Variants in CNTNAP2 observed in about 807,000 individuals in gnomAD.
CNTNAP2 encodes the protein contactin associated protein 2.
A neutral mutation model predicts 155.2 loss-of-function variants in CNTNAP2; 98 were observed. The ratio of observed to expected loss-of-function variants is 0.63; its 90% CI spans 0.54 to 0.75. The LOEUF is 0.75. CNTNAP2 is among the 30% of genes least tolerant of loss of function. The probability of loss-of-function intolerance (pLI) is 0.00; values close to 1 mark genes in which losing one functional copy is unlikely to be tolerated. For synonymous variants in CNTNAP2, 651 were observed against 631.2 expected, an observed-to-expected ratio of 1.03 and a Z score of -0.47; for missense variants, 1,727 against 1,688.1, an observed-to-expected ratio of 1.02 and a Z score of -0.40.
At chr7:146,677,778 G>T (rs929583876) in intron 1 of CNTNAP2, among the ~76,000 whole-genome samples, 1 of 151,760 alleles carries the variant, frequency 6.6e-6, no homozygotes, top group Non-Finnish European at 1.5e-5. Flanking sequence ...TTAGCTATAC[G>T]TTGTTCTCTA....
chr7:148,101,425 A>C (rs1054413624), intron 15 of CNTNAP2, among the ~76,000 whole-genome samples: 3 of 151,636 alleles, frequency 2.0e-5, no homozygotes, highest in African/African-American at 7.3e-5. Context: ...GTAAAAGATT[A>C]AGGAGAAAAC....
chr7:146,146,174 G>A (rs558519228), intron 1 of CNTNAP2, among the ~76,000 whole-genome samples: 17 of 152,166 alleles, frequency 1.1e-4, no homozygotes, highest in South Asian at 2.1e-4. Flanking sequence ...ACTTAATATC[G>A]TGGATTTTAA....
rs1025631468 is a variant in CNTNAP2 at position 147,118,373 on chromosome 7, A to G, written c.755-2606A>G. On this transcript the variant is annotated intron_variant, in intron 5 of 23. Coordinates refer to ENST00000361727, the MANE Select transcript of CNTNAP2 (RefSeq NM_014141.6). Reference sequence around the variant, plus strand: ...AATTTGCAACATTAATTACAATGTCAAAAATTGGGAAAAAATTAAACACAT... The same window carrying G: ...AATTTGCAACATTAATTACAATGTCGAAAATTGGGAAAAAATTAAACACAT... 4.0e-5 allele frequency among the ~76,000 whole-genome samples: 6 copies of G among 151,470 alleles called. No individual in the cohort carries two copies. In the East Asian group the frequency reaches 1.2e-3, roughly 29 times the overall value.
At chr7:146,816,479 G>T (rs1338935527) in intron 2 of CNTNAP2, among the ~76,000 whole-genome samples, 2 of 152,198 alleles carry the variant, frequency 1.3e-5, no homozygotes, top group Admixed American at 6.5e-5. Context: ...GCCGGGAACA[G>T]TTGGCCATCC....
intron 1 of CNTNAP2, among the ~76,000 whole-genome samples, chr7:146,296,040 C>A (rs1291434954): frequency 6.6e-6 from 1 of 152,032 alleles, no homozygotes; most frequent in Non-Finnish European, 1.5e-5. Flanking sequence ...TCCTTACAAC[C>A]AAAGTCACAT....
chr7:147,619,030 A>G (rs562385655), intron 12 of CNTNAP2, among the ~76,000 whole-genome samples: 2 of 152,318 alleles, frequency 1.3e-5, no homozygotes, highest in South Asian at 4.1e-4. Flanking sequence ...ATACATGCCC[A>G]GTGTTTCAAA....
chr7:147,274,876 T>C (rs899030384), intron 8 of CNTNAP2, among the ~76,000 whole-genome samples: 1 of 152,048 alleles, frequency 6.6e-6, no homozygotes, highest in Non-Finnish European at 1.5e-5. Context: ...AGTCCAGTTT[T>C]TTTAGGCATA....
At chr7:147,718,642 G>A (rs1466202406) in intron 13 of CNTNAP2, among the ~76,000 whole-genome samples, 1 of 151,986 alleles carries the variant, frequency 6.6e-6, no homozygotes, top group Non-Finnish European at 1.5e-5. Context: ...TATGCAAATG[G>A]CATTTTCTCA....
intron 1 of CNTNAP2, among the ~76,000 whole-genome samples, chr7:146,490,375 C>T (rs1011617807): frequency 6.6e-6 from 1 of 151,940 alleles, no homozygotes; most frequent in Non-Finnish European, 1.5e-5. Context: ...AAAATGTATA[C>T]TATGCTAAGT....
chr7:147,338,523 G>A (rs1034042282), intron 9 of CNTNAP2, among the ~76,000 whole-genome samples: 2 of 152,074 alleles, frequency 1.3e-5, no homozygotes, highest in African/African-American at 2.4e-5. Flanking sequence ...AAGTCAAAGA[G>A]AAGTGGTTTT....
At chr7:147,137,143 AT>A (rs1408768275) in intron 8 of CNTNAP2, among the ~76,000 whole-genome samples, 1 of 151,574 alleles carries the variant, frequency 6.6e-6, no homozygotes, top group Non-Finnish European at 1.5e-5. Flanking sequence ...AACCAAAGTA[AT>A]TGAAAACAAA....
chr7:146,579,441 G>T (rs1301418454), intron 1 of CNTNAP2, among the ~76,000 whole-genome samples: 1 of 152,090 alleles, frequency 6.6e-6, no homozygotes, highest in Non-Finnish European at 1.5e-5. Context: ...AATAGGAAGT[G>T]CCTCAGACCT....
chr7:147,907,573 G>A (rs1799985192), intron 14 of CNTNAP2, among the ~76,000 whole-genome samples: 1 of 152,096 alleles, frequency 6.6e-6, no homozygotes, highest in African/African-American at 2.4e-5. Flanking sequence ...AGTTGAGCTT[G>A]ATGCGGGTAG....
intron 3 of CNTNAP2, among the ~76,000 whole-genome samples, chr7:146,940,363 A>AT (rs1363894108): frequency 6.6e-6 from 1 of 151,668 alleles, no homozygotes; most frequent in Non-Finnish European, 1.5e-5. Flanking sequence ...CGTCCAGCTA[A>AT]TTTTTTGTAT....
intron 1 of CNTNAP2, among the ~76,000 whole-genome samples, chr7:146,141,508 C>T (rs1217071564): frequency 6.6e-6 from 1 of 152,000 alleles, no homozygotes; most frequent in African/African-American, 2.4e-5. Context: ...ATATAGTTTT[C>T]ATTTTCTTTA....
intron 1 of CNTNAP2, among the ~76,000 whole-genome samples, chr7:146,567,890 T>C (rs1411343817): frequency 6.6e-6 from 1 of 152,144 alleles, no homozygotes; most frequent in Non-Finnish European, 1.5e-5. Context: ...CTGGCTAATA[T>C]TTTGTATTTT....
chr7:146,647,066 C>T (rs1225696956), intron 1 of CNTNAP2, among the ~76,000 whole-genome samples: 1 of 152,184 alleles, frequency 6.6e-6, no homozygotes, highest in Non-Finnish European at 1.5e-5. Context: ...ATGCCCTTGT[C>T]TCATCGGAGG....
chr7:147,438,179 C>T (rs1797582882), intron 10 of CNTNAP2, among the ~76,000 whole-genome samples: 1 of 151,934 alleles, frequency 6.6e-6, no homozygotes, highest in African/African-American at 2.4e-5. Context: ...TGAGCAACTT[C>T]GTCATGTTAC....
chr7:146,645,171 G>C (rs1318661525), intron 1 of CNTNAP2, among the ~76,000 whole-genome samples: 1 of 152,172 alleles, frequency 6.6e-6, no homozygotes, highest in East Asian at 1.9e-4. Context: ...GATCAGGACA[G>C]GTGTCTGTCT....
Sources: gnomAD v4.1 joint callset for allele counts (sites outside exome capture counted in the v4.1 genomes callset) on GRCh38, gnomAD v4.1.1 for gene constraint, MANE v1.5 for transcripts, NCBI Gene and HGNC (gene_info 2026-07-23, HGNC 2026-07-21) for gene names.